Variants in ATL2 observed in about 807,000 individuals in gnomAD.
The protein encoded by ATL2 is atlastin-2.
In ATL2, 31 loss-of-function variants were observed where a neutral mutation model predicts 73.9. The ratio of observed to expected loss-of-function variants is 0.42; its 90% CI spans 0.32 to 0.57. The LOEUF is 0.57. ATL2 is among the 20% of genes least tolerant of loss of function. ATL2 has a pLI of 0.14. For missense variants in ATL2, 738 were observed against 702.6 expected (o/e 1.05, Z -0.57); for synonymous variants, 291 against 237.5 (o/e 1.23, Z -2.07).
chr2:38,314,254 C>T lies in ATL2; in HGVS notation c.711+354G>A, dbSNP rs139514218. Among the ~76,000 whole-genome samples the T allele has an allele frequency of 4.1e-4, 62 of 151,908 alleles. 1 individual carries two copies. The highest frequency in any genetic ancestry group is 1.4e-3 in the African/African-American group (59 of 41,430). On this transcript the variant is annotated intron_variant, in intron 6 of 12. Coordinates refer to ENST00000378954, the MANE Select transcript of ATL2 (RefSeq NM_001135673.4). Reference sequence around the variant, plus strand: ...GAACTAATTTCAACTTGTAGTAAACCACAAAAAAGAAACCTGTAACATTCT... The same window carrying T: ...GAACTAATTTCAACTTGTAGTAAACTACAAAAAAGAAACCTGTAACATTCT...
At chr2:38,342,961 C>T (rs1387209656) in intron 2 of ATL2, among the ~76,000 whole-genome samples, 1 of 150,190 alleles carries the variant, frequency 6.7e-6, no homozygotes, top group African/African-American at 2.4e-5. Context: ...CAAAGTGAGA[C>T]CCCCATAGCT....
rs775627945 is a variant in ATL2, at chr2:38,300,303, TCTC to T, written c.1094_1096del (p.Gly365del). 6.2e-7 allele frequency: 1 copy of T among 1,609,084 alleles called. No individual in the cohort carries two copies. The highest frequency in any genetic ancestry group is 1.3e-5 in the African/African-American group (1 of 74,782). On this transcript the variant is annotated inframe_deletion, in exon 10 of 13. Coordinates refer to ENST00000378954, the MANE Select transcript of ATL2 (RefSeq NM_001135673.4). ...CATGGACTTTGGATGTGGAAGTTCT[TCTC>T]CTTGATAGATTTTGATGTAAGCCTA...
chr2:38,367,247 CA>C (rs1671381218), intron 1 of ATL2, among the ~76,000 whole-genome samples: 1 of 151,906 alleles, frequency 6.6e-6, no homozygotes, highest in African/African-American at 2.4e-5. Flanking sequence ...CGCTACTAGG[CA>C]CTGAAACAGA....
At chr2:38,306,943 G>A (rs1385899527) in intron 9 of ATL2, among the ~76,000 whole-genome samples, 1 of 152,148 alleles carries the variant, frequency 6.6e-6, no homozygotes, top group Non-Finnish European at 1.5e-5. Flanking sequence ...ATGGTGCTGG[G>A]AAAACTGAAT....
intron 1 of ATL2, among the ~76,000 whole-genome samples, chr2:38,365,021 G>C (rs1159032528): frequency 6.6e-6 from 1 of 151,042 alleles, no homozygotes; most frequent in Non-Finnish European, 1.5e-5. Context: ...TCCAGCCTGG[G>C]GTACAGAGCG....
chr2:38,361,053 GAA>G (rs963462054), intron 1 of ATL2, among the ~76,000 whole-genome samples: 6 of 151,966 alleles, frequency 3.9e-5, no homozygotes, highest in Non-Finnish European at 5.9e-5. Flanking sequence ...AACGTGGAAT[GAA>G]AAAAATTAAA....
Position 38,343,503 on chromosome 2 carries a change from T to A in ATL2, c.128A>T (p.Tyr43Phe). 1 of 1,603,572 alleles carries A rather than the reference T, an allele frequency of 6.2e-7. No individual in the cohort carries two copies. The highest frequency in any genetic ancestry group is 8.5e-7 in the Non-Finnish European group (1 of 1,174,578). ...AGAATTTACTAGGTCATCATCTTCATAATTCTCACCTAGAATTTAAAAAGA... is the reference window on the plus strand; with the variant it reads ...AGAATTTACTAGGTCATCATCTTCAAAATTCTCACCTAGAATTTAAAAAGA... The part of the protein sequence containing the change: ...VSSTTSLGEN[Y>F]EDDDLVNSDE... Residue 43 changes from tyrosine to phenylalanine, a missense_variant, in exon 2 of 13, where the codon TAT becomes TTT. Physicochemically the swap from Tyr to Phe is conservative, Grantham distance 22. Transcript: ENST00000378954.
At chr2:38,376,224 TGA>T (rs757671986) in intron 1 of ATL2, 9 of 1,484,134 alleles carry the variant, frequency 6.1e-6, no homozygotes, top group Admixed American at 4.8e-5. Flanking sequence ...CGCACCACAG[TGA>T]GAGATCAAAC....
At chr2:38,300,116 A>C (rs1012489384) in intron 10 of ATL2, among the ~76,000 whole-genome samples, 156 bp downstream of exon 10, 8 of 152,178 alleles carry the variant, frequency 5.3e-5, no homozygotes, top group African/African-American at 1.9e-4. Context: ...AAATTGTATG[A>C]AACCTTAGGA....
intron 1 of ATL2, among the ~76,000 whole-genome samples, chr2:38,376,781 G>A (rs779484037): frequency 2.0e-5 from 3 of 151,804 alleles, no homozygotes; most frequent in Non-Finnish European, 4.4e-5. Flanking sequence ...AGCCGCAGCC[G>A]ACCTCCCCGC....
At chr2:38,310,186 T>A in intron 8 of ATL2, 123 bp downstream of exon 8, 11 of 1,125,846 alleles carry the variant, frequency 9.8e-6, no homozygotes, top group Non-Finnish European at 1.1e-5. Context: ...AACCACAACA[T>A]GAACAATGCA....
At chr2:38,326,748 G>C (rs1482938375) in intron 2 of ATL2, among the ~76,000 whole-genome samples, 1 of 152,000 alleles carries the variant, frequency 6.6e-6, no homozygotes, top group Non-Finnish European at 1.5e-5. Context: ...AGCACTCGGG[G>C]AGGCCGAGGC....
upstream of ATL2, among the ~76,000 whole-genome samples, chr2:38,377,509 G>C (rs900553786): frequency 4.7e-5 from 7 of 150,514 alleles, no homozygotes; most frequent in African/African-American, 1.5e-4. Flanking sequence ...CCGGCTCCAA[G>C]TTTCTGGTTG....
At chr2:38,339,630 T>C (rs1319793424) in intron 2 of ATL2, among the ~76,000 whole-genome samples, 2 of 152,066 alleles carry the variant, frequency 1.3e-5, no homozygotes, top group Non-Finnish European at 2.9e-5. Context: ...CAAAAACCCA[T>C]CAACAGTTAA....
rs1667628164 is a variant in ATL2 at position 38,309,475 on chromosome 2, T to C, written c.975A>G (p.Arg325=). 1.9e-6 allele frequency: 3 copies of C among 1,612,610 alleles called. No individual in the cohort carries two copies. Among genetic ancestry groups the C allele is most frequent in the Middle Eastern group, 1.6e-4 (1 of 6,076 alleles). Reference sequence around the variant, plus strand: ...GGGCAAGCAGCAATGGAACCAGATTTCGAAGCTCTCGTTTAAAGTCTTCAT... The same window carrying C: ...GGGCAAGCAGCAATGGAACCAGATTCCGAAGCTCTCGTTTAAAGTCTTCAT... ...DIDEDFKREL[R]NLVPLLLAPE... Residue 325 remains arginine, a synonymous_variant, in exon 9 of 13, where the codon CGA becomes CGG. Coordinates refer to ENST00000378954, the MANE Select transcript of ATL2 (RefSeq NM_001135673.4).
chr2:38,358,281 G>A (rs190664116), intron 1 of ATL2, among the ~76,000 whole-genome samples: 21 of 152,182 alleles, frequency 1.4e-4, no homozygotes, highest in Admixed American at 3.3e-4. Flanking sequence ...ATTTTTCCTG[G>A]GAGACTGCTA....
At chr2:38,321,596 T>C (rs1335038714) in intron 2 of ATL2, among the ~76,000 whole-genome samples, 1 of 152,230 alleles carries the variant, frequency 6.6e-6, no homozygotes, top group African/African-American at 2.4e-5. Context: ...CCATAGTCAC[T>C]GAATGTTCAC....
intron 9 of ATL2, among the ~76,000 whole-genome samples, chr2:38,305,087 AG>A (rs961841019): frequency 3.3e-5 from 5 of 152,176 alleles, no homozygotes; most frequent in African/African-American, 1.2e-4. Flanking sequence ...CCAAAAAAAA[AG>A]AGCAGAAGAA....
At chr2:38,316,329 C>G (rs1668022198) in intron 4 of ATL2, among the ~76,000 whole-genome samples, 1 of 152,148 alleles carries the variant, frequency 6.6e-6, no homozygotes, top group Admixed American at 6.5e-5. Flanking sequence ...ACACCATGAC[C>G]AACCTATGTG....
Sources: allele counts gnomAD v4.1 joint callset (sites outside exome capture counted in the v4.1 genomes callset), GRCh38; gene constraint gnomAD v4.1.1; transcripts MANE v1.5; gene names NCBI Gene and HGNC (gene_info 2026-07-23, HGNC 2026-07-21).